FLNB: variants seen among roughly 807,000 people sequenced by gnomAD.
FLNB encodes filamin B, also known as filamin-B.
FLNB carries 111 observed loss-of-function variants against 250.6 expected under a neutral mutation model. That is an observed-to-expected ratio of 0.44 (90% CI 0.38 to 0.52). The LOEUF (loss-of-function observed/expected upper bound fraction) is 0.52. Among genes scored for constraint, FLNB ranks in the 20% least tolerant of loss-of-function variants. FLNB has a pLI of 0.00. For synonymous variants in FLNB, 1,302 were observed against 1,372.1 expected (o/e 0.95, Z 1.13); for missense variants, 2,869 against 3,447.8 (o/e 0.83, Z 4.20).
At chr3:58,054,051 T>C (rs1272997171) in intron 1 of FLNB, among the ~76,000 whole-genome samples, 1 of 152,134 alleles carries the variant, frequency 6.6e-6, no homozygotes, top group Non-Finnish European at 1.5e-5. Context: ...AAGGACCTTC[T>C]GGGCAAAGAA....
chr3:58,137,584 A>G (rs538690348), intron 28 of FLNB, among the ~76,000 whole-genome samples: 1 of 152,112 alleles, frequency 6.6e-6, no homozygotes, highest in Non-Finnish European at 1.5e-5. Flanking sequence ...GCTCATATCT[A>G]CCAATGTGCT....
intron 11 of FLNB, among the ~76,000 whole-genome samples, chr3:58,106,218 A>G (rs2097259291): frequency 6.6e-6 from 1 of 152,070 alleles, no homozygotes; most frequent in Non-Finnish European, 1.5e-5. Flanking sequence ...AAAACCCAGA[A>G]GTGGATTTGG....
chr3:58,039,509 G>T (rs1281264229), intron 1 of FLNB, among the ~76,000 whole-genome samples: 1 of 152,144 alleles, frequency 6.6e-6, no homozygotes, highest in Non-Finnish European at 1.5e-5. Context: ...GGGGGATCTA[G>T]GTCACCACCC....
chr3:58,081,019 C>T lies in FLNB; in HGVS notation c.640-610C>T, dbSNP rs529859937. Among the ~76,000 whole-genome samples, 16 of 152,178 alleles carry T rather than the reference C, an allele frequency of 1.1e-4. No homozygotes were observed. The South Asian group carries it at 3.3e-3, about 32-fold the overall frequency. ...ATGTTGGCCAGGCTTGTCTCGAACT[C>T]CTGACCTCAAGTGATTTCTCTTGTC... On this transcript the variant is annotated intron_variant, in intron 3 of 45. Coordinates refer to ENST00000295956, the MANE Select transcript of FLNB (RefSeq NM_001457.4).
rs150906539 is a variant in FLNB at position 58,080,037 on chromosome 3, C to A, written c.639+1223C>A. ...GTGTGTTTTTCATCTCCGCTTAAAC[C>A]TAAACCGTCTCCTTTTTACGTTCAC... On this transcript the variant is annotated intron_variant, in intron 3 of 45. Coordinates refer to ENST00000295956, the MANE Select transcript of FLNB (RefSeq NM_001457.4). 4.9e-4 allele frequency among the ~76,000 whole-genome samples: 75 copies of A among 152,320 alleles called. No homozygotes were observed. The East Asian group carries it at 0.013, about 27-fold the overall frequency.
intron 3 of FLNB, among the ~76,000 whole-genome samples, chr3:58,080,638 G>A (rs945928046): frequency 6.6e-6 from 1 of 151,992 alleles, no homozygotes; most frequent in African/African-American, 2.4e-5. Flanking sequence ...GGGACTGCAG[G>A]TGTATGCCAC....
At chr3:58,124,210 C>T (rs1344625057) in intron 21 of FLNB, 122 bp from the exon 22 acceptor site, 6 of 999,674 alleles carry the variant, frequency 6.0e-6, no homozygotes, top group Non-Finnish European at 9.5e-6. Context: ...GTTAGAAAAA[C>T]CAGTTTTCCA....
Position 58,141,912 on chromosome 3 carries a change from C to T in FLNB, c.5164C>T (p.Pro1722Ser). 6.2e-7 allele frequency: 1 copy of T among 1,614,118 alleles called. No homozygotes were observed. The change falls in exon 30 of 46, where the codon CCT (proline) becomes TCT (serine). Residue 1722 changes from proline to serine, a missense_variant. Around this residue, in one of 5 missense-constraint regions of FLNB, gnomAD observed 1,084 missense variants for 1,315.5 expected, o/e 0.82. Coordinates refer to ENST00000295956, the MANE Select transcript of FLNB (RefSeq NM_001457.4). ...GGAGGCACCGGTAAATGCATGTCCC[C>T]CTGGATTCAGGCCCTGGGTACAATT... ...VEEAPVNACP[P>S]GFRPWVTEEA... is the part of the protein sequence containing the mutation.
In FLNB at chr3:58,081,505, T is replaced by C. The variant is rs2097209208; in HGVS notation, c.640-124T>C. 4.2e-6 allele frequency: 4 copies of C among 944,838 alleles called. No homozygotes were observed. The East Asian group carries it at 9.6e-5, about 23-fold the overall frequency. The allele number at this position is 944,838 out of a possible 1,614,324, so 58.5% of individuals were successfully genotyped here. On this transcript the variant is annotated intron_variant, in intron 3 of 45. Coordinates refer to ENST00000295956, the MANE Select transcript of FLNB (RefSeq NM_001457.4). ...GTGTGTTGGTTTAAAGTAATTTCACTTAATTGAGAAGCTGACTCAGTTTCT... is the reference window on the plus strand; with the variant it reads ...GTGTGTTGGTTTAAAGTAATTTCACCTAATTGAGAAGCTGACTCAGTTTCT...
intron 34 of FLNB, 137 bp from the exon 35 acceptor site, chr3:58,148,069 A>G: frequency 1.2e-6 from 1 of 849,704 alleles, no homozygotes; most frequent in East Asian, 2.6e-5. Flanking sequence ...CTCAGTGTTC[A>G]AGGCTCATTT....
rs1395850097 is a variant in FLNB, at chr3:58,168,634, A to G, written c.7393A>G (p.Ser2465Gly). 2 of 1,613,854 alleles carry G rather than the reference A, an allele frequency of 1.2e-6. No homozygotes were observed. Among genetic ancestry groups the G allele is most frequent in the Admixed American group, 1.7e-5 (1 of 60,028 alleles). ...CGGTGGGCCCAACCACATCGTGGGC[A>G]GTCCCTTCAAGGCCAAGGTGACAGG... ...KYGGPNHIVG[S>G]PFKAKVTGQR... Residue 2465 changes from serine (S) to glycine (G), a missense_variant, in exon 44 of 46, where the codon AGT (serine) becomes GGT (glycine). This residue lies in a region of FLNB where 1,084 missense variants were observed against 1,315.5 expected (regional missense o/e 0.82). Transcript: ENST00000295956.
chr3:58,101,887 G>A (rs1411766631), intron 8 of FLNB, among the ~76,000 whole-genome samples: 1 of 152,200 alleles, frequency 6.6e-6, no homozygotes, highest in Non-Finnish European at 1.5e-5. Flanking sequence ...CCAGCACTCG[G>A]CCTTAACTCC....
Position 58,168,587 on chromosome 3 carries a change from ACTACCTGATCAGCGT to A in FLNB, c.7348_7362del (p.Tyr2450_Val2454del). On this transcript the variant is annotated inframe_deletion, in exon 44 of 46. Coordinates refer to ENST00000295956, the MANE Select transcript of FLNB (RefSeq NM_001457.4). ...ATGTACACCCCCATGGCTCCTGGTA[ACTACCTGATCAGCGT>A]CAAATACGGTGGGCCCAACCACATC... The A allele has an allele frequency of 6.2e-7, 1 of 1,614,230 alleles. No homozygotes were observed. Among genetic ancestry groups the A allele is most frequent in the Non-Finnish European group, 8.5e-7 (1 of 1,180,044 alleles).
intron 16 of FLNB, among the ~76,000 whole-genome samples, chr3:58,111,528 A>G (rs2097268665): frequency 6.6e-6 from 1 of 152,098 alleles, no homozygotes; most frequent in Non-Finnish European, 1.5e-5. Flanking sequence ...AGTACTCAAC[A>G]TTCAGTATTA....
intron 1 of FLNB, among the ~76,000 whole-genome samples, chr3:58,016,634 C>T (rs2097106183): frequency 6.6e-6 from 1 of 151,902 alleles, no homozygotes; most frequent in Non-Finnish European, 1.5e-5. Flanking sequence ...TCTTATGTCC[C>T]CTTGGGGTGG....
chr3:58,107,969 C>T (rs916260711), intron 12 of FLNB, among the ~76,000 whole-genome samples: 1 of 152,130 alleles, frequency 6.6e-6, no homozygotes, highest in Non-Finnish European at 1.5e-5. Context: ...TTCTTTAGGT[C>T]AACTCAGAAT....
chr3:58,123,664 T>G lies in FLNB; in HGVS notation c.3698T>G (p.Val1233Gly). 1.3e-6 allele frequency: 2 copies of G among 1,599,808 alleles called. No individual in the cohort carries two copies. The highest frequency in any genetic ancestry group is 1.7e-6 in the Non-Finnish European group (2 of 1,177,358). The change falls in exon 21 of 46, where the codon GTC (valine) becomes GGC (glycine). Residue 1233 changes from valine (V) to glycine (G), a missense_variant. By Grantham distance (109) the Val-to-Gly change is moderately radical. This residue lies in a region of FLNB where 1,348 missense variants were observed against 1,466.7 expected (regional missense o/e 0.92). Transcript: ENST00000295956. ...GCCGTGGACACCAGCAGGATCAAAG[T>G]CTTTGGACCAGGAATAGAAGGGAAA... ...EPAVDTSRIK[V>G]FGPGIEGKDV...
rs1245168119 is a variant in FLNB, at chr3:58,110,198, G to C, written c.2484+28G>C. On this transcript the variant is annotated intron_variant, in intron 16 of 45. Coordinates refer to ENST00000295956, the MANE Select transcript of FLNB (RefSeq NM_001457.4). ...ACGTGGTGGGGCCTGGGAGGAGATGGGTGGAGTAGGCCTGGATTCTCTTTG... is the reference window on the plus strand; with the variant it reads ...ACGTGGTGGGGCCTGGGAGGAGATGCGTGGAGTAGGCCTGGATTCTCTTTG... 5 of 1,612,780 alleles carry C rather than the reference G, an allele frequency of 3.1e-6. No individual in the cohort carries two copies. The African/African-American group carries it at 4.0e-5, about 13-fold the overall frequency.
chr3:58,125,306 T>C lies in FLNB; in HGVS notation c.3899-275T>C, dbSNP rs534516292. Among the ~76,000 whole-genome samples, 38 of 152,226 alleles carry C rather than the reference T, an allele frequency of 2.5e-4. No homozygotes were observed. In the South Asian group the frequency reaches 7.7e-3, roughly 31 times the overall value. On this transcript the variant is annotated intron_variant, in intron 22 of 45. Coordinates refer to ENST00000295956, the MANE Select transcript of FLNB (RefSeq NM_001457.4). ...CACCACCACACTCAGCTAATTTTTG[T>C]ATTTTTTGTAGAGATGGGGTCTCGC...
Sources: allele counts gnomAD v4.1 joint callset (sites outside exome capture counted in the v4.1 genomes callset), GRCh38; gene constraint gnomAD v4.1.1; regional missense constraint gnomAD v4.1.1; transcripts MANE v1.5; gene names NCBI Gene and HGNC (gene_info 2026-07-23, HGNC 2026-07-21).